The following HUWE1 variants were observed in gnomAD, a reference collection of about 807,000 sequenced individuals.
HUWE1 encodes the protein HECT, UBA and WWE domain containing E3 ubiquitin protein ligase 1.
Under a neutral mutation model 299.4 loss-of-function variants are expected in HUWE1, and 18 were observed. That is an observed-to-expected ratio of 0.06 (90% CI 0.04 to 0.09). The LOEUF is 0.09. HUWE1 is among the 10% of genes least tolerant of loss of function. The probability of loss-of-function intolerance (pLI) is 1.00; values close to 1 mark genes in which losing one functional copy is unlikely to be tolerated. For synonymous variants in HUWE1, 1,317 were observed against 1,286.1 expected, an observed-to-expected ratio of 1.02 and a Z score of -0.51; for missense variants, 1,832 against 3,462.3, an observed-to-expected ratio of 0.53 and a Z score of 11.82.
rs372283697 is a variant in HUWE1, at chrX:53,679,646, C to A, written c.-25+403G>T. ...CTCAATTTAAAAAAATTAAAAAAAA[C>A]CAAACAAACAGAAGTATAGATGAAA... On this transcript the variant is annotated intron_variant, in intron 3 of 83. Transcript: ENST00000262854. Among the ~76,000 whole-genome samples the A allele has an allele frequency of 9.3e-4, 104 of 111,353 alleles. 2 individuals are homozygous for A. Among genetic ancestry groups the A allele is most frequent in the Middle Eastern group, 4.7e-3 (1 of 212 alleles).
chrX:53,626,365 T>C (rs2066505274), intron 17 of HUWE1, among the ~76,000 whole-genome samples: 1 of 110,135 alleles, frequency 9.1e-6, no homozygotes, highest in Admixed American at 9.6e-5. Flanking sequence ...TAGTTGGTAG[T>C]ATACAAATAG....
intron 3 of HUWE1, among the ~76,000 whole-genome samples, 189 bp downstream of exon 3, chrX:53,679,860 T>C (rs2070040668): frequency 9.0e-6 from 1 of 111,606 alleles, no homozygotes; most frequent in Non-Finnish European, 1.9e-5. Context: ...ACATCATTCA[T>C]TTAAACAATT....
chrX:53,649,765 T>C (rs1557038854), intron 4 of HUWE1, among the ~76,000 whole-genome samples: 1 of 112,221 alleles, frequency 8.9e-6, no homozygotes, highest in Admixed American at 9.4e-5. Context: ...AACGTGTTAC[T>C]TCTATTTCTA....
chrX:53,610,484 G>C (rs1241899214), intron 23 of HUWE1, among the ~76,000 whole-genome samples: 1 of 111,958 alleles, frequency 8.9e-6, no homozygotes, highest in East Asian at 2.8e-4. Flanking sequence ...CTGATTTCAA[G>C]AAAAGTCCTT....
chrX:53,558,385 G>A (rs1157373671), intron 59 of HUWE1, among the ~76,000 whole-genome samples: 1 of 111,727 alleles, frequency 9.0e-6, no homozygotes, highest in African/African-American at 3.3e-5. Flanking sequence ...TGTCCTTGGC[G>A]GTAGAGACTA....
chrX:53,572,039 T>A (rs2062854297), intron 47 of HUWE1, among the ~76,000 whole-genome samples: 1 of 112,086 alleles, frequency 8.9e-6, no homozygotes, highest in South Asian at 3.7e-4. Flanking sequence ...AAAGGCAAAA[T>A]TACCCAAATG....
chrX:53,547,649 C>T (rs2061603023), intron 68 of HUWE1, 24 bp downstream of exon 68: 1 of 1,207,237 alleles, frequency 8.3e-7, no homozygotes, highest in African/African-American at 1.7e-5. Flanking sequence ...TACCCCACAG[C>T]TCCCAGTCTA....
At chrX:53,614,865 T>C in intron 22 of HUWE1, 120 bp from the exon 23 acceptor site, 2 of 506,836 alleles carry the variant, frequency 3.9e-6, no homozygotes, top group East Asian at 3.6e-5. Flanking sequence ...TTTGTATACA[T>C]GTTATATACA....
intron 7 of HUWE1, among the ~76,000 whole-genome samples, chrX:53,641,670 T>A (rs1323578674): frequency 8.9e-6 from 1 of 111,776 alleles, no homozygotes; most frequent in Non-Finnish European, 1.9e-5. Context: ...ATGGCCCACA[T>A]AAGATGGGAA....
chrX:53,636,864 G>A (rs1220316127), intron 7 of HUWE1, among the ~76,000 whole-genome samples: 2 of 112,117 alleles, frequency 1.8e-5, no homozygotes, highest in African/African-American at 6.5e-5. Flanking sequence ...ACCATAGATG[G>A]CACAATTGAC....
chrX:53,630,581 G>C (rs440875), intron 12 of HUWE1, among the ~76,000 whole-genome samples: 1 of 107,983 alleles, frequency 9.3e-6, no homozygotes, highest in Non-Finnish European at 1.9e-5. Context: ...CTTAATTCAA[G>C]ATGATATCCC....
At position 53,564,632 on chromosome X, in the gene HUWE1, T is replaced by C; in HGVS notation, c.6971A>G (p.Glu2324Gly). The change falls in exon 51 of 84, where the codon GAA (glutamate) becomes GGA (glycine). Residue 2324 changes from glutamate (E) to glycine (G), a missense_variant. Around this residue, in one of 15 missense-constraint regions of HUWE1, gnomAD observed 170 missense variants for 335.8 expected, o/e 0.51. Coordinates refer to ENST00000262854, the MANE Select transcript of HUWE1 (RefSeq NM_031407.7). ...ADGDIMDGEA[E>G]TDSVVIAGQP... Reference sequence around the variant, plus strand: ...CCCAGCAATCACCACTGAGTCGGTTTCAGCCTCCCCATCCATGATATCCCC... The same window carrying C: ...CCCAGCAATCACCACTGAGTCGGTTCCAGCCTCCCCATCCATGATATCCCC... 1 of 1,211,662 alleles carries C rather than the reference T, an allele frequency of 8.3e-7. No individual in the cohort carries two copies. Among genetic ancestry groups the C allele is most frequent in the Non-Finnish European group, 1.1e-6 (1 of 895,506 alleles).
chrX:53,575,129 T>C (rs1247313857), intron 46 of HUWE1, 26 bp downstream of exon 46: 3 of 1,133,903 alleles, frequency 2.6e-6, no homozygotes, highest in East Asian at 3.0e-5. Flanking sequence ...AATAAGAACA[T>C]GGTAGTGAGA....
chrX:53,658,722 AC>A (rs1557044061), intron 3 of HUWE1, among the ~76,000 whole-genome samples: 3 of 112,830 alleles, frequency 2.7e-5, no homozygotes, highest in Non-Finnish European at 3.7e-5. Context: ...AAAATGGATC[AC>A]AGACCTAAAT....
chrX:53,556,077 TAATG>T (rs782494995), intron 60 of HUWE1: 25 of 279,825 alleles, frequency 8.9e-5, no homozygotes, highest in African/African-American at 1.4e-4. Context: ...ATGCTCCAAT[TAATG>T]AAAGACAAGT....
At position 53,634,372 on chromosome X, in the gene HUWE1, A is replaced by G. The variant is rs1213256992; in HGVS notation, c.505-74T>C. 4 of 667,994 alleles carry G rather than the reference A, an allele frequency of 6.0e-6. No individual in the cohort carries two copies. The African/African-American group carries it at 6.4e-5, about 11-fold the overall frequency. The allele number at this position is 667,994 out of a possible 1,213,427, so 55.1% of individuals were successfully genotyped here. A position where few individuals can be genotyped will look rare whatever the true frequency, so the allele number is the denominator to read the frequency against. On this transcript the variant is annotated intron_variant, in intron 7 of 83. Transcript: ENST00000262854. ...GCGCCACTGCACTCCAGCCTAGGCAACAGAGTGAGACCTTATCTCTCTTTC... is the reference window on the plus strand; with the variant it reads ...GCGCCACTGCACTCCAGCCTAGGCAGCAGAGTGAGACCTTATCTCTCTTTC...
intron 3 of HUWE1, among the ~76,000 whole-genome samples, chrX:53,655,872 T>A (rs2068719664): frequency 9.0e-6 from 1 of 111,550 alleles, no homozygotes. Flanking sequence ...AACATACTGC[T>A]GAAAGTTCTA....
chrX:53,638,284 G>C (rs1349206611), intron 7 of HUWE1, among the ~76,000 whole-genome samples: 2 of 111,302 alleles, frequency 1.8e-5, no homozygotes, highest in African/African-American at 6.5e-5. Context: ...AGCTGGCAGT[G>C]AGCCAAGATC....
intron 7 of HUWE1, among the ~76,000 whole-genome samples, chrX:53,643,610 C>G (rs182654554): frequency 1.8e-5 from 2 of 111,603 alleles, no homozygotes; most frequent in Admixed American, 9.5e-5. Flanking sequence ...CCTCGGCCCC[C>G]CAAAGTGTTG....
Sources: allele counts gnomAD v4.1 joint callset (sites outside exome capture counted in the v4.1 genomes callset), GRCh38; gene constraint gnomAD v4.1.1; regional missense constraint gnomAD v4.1.1; transcripts MANE v1.5; gene names NCBI Gene and HGNC (gene_info 2026-07-23, HGNC 2026-07-21).